The following SORCS1 variants were observed in gnomAD, a reference collection of about 807,000 sequenced individuals.
SORCS1 encodes the protein VPS10 domain-containing receptor SorCS1.
A neutral mutation model predicts 146.1 loss-of-function variants in SORCS1; 60 were observed. The ratio of observed to expected loss-of-function variants is 0.41; its 90% confidence interval spans 0.33 to 0.51. The LOEUF (loss-of-function observed/expected upper bound fraction) is 0.51. Among genes scored for constraint, SORCS1 ranks in the 20% least tolerant of loss-of-function variants. SORCS1 has a pLI of 0.21. For synonymous variants in SORCS1, 637 were observed against 584.0 expected (o/e 1.09, Z -1.31); for missense variants, 1,352 against 1,487.6 (o/e 0.91, Z 1.50).
At chr10:107,120,846 G>T (rs1966363281) in intron 1 of SORCS1, among the ~76,000 whole-genome samples, 1 of 152,124 alleles carries the variant, frequency 6.6e-6, no homozygotes, top group Non-Finnish European at 1.5e-5. Flanking sequence ...TCATAGGGGA[G>T]ACCACAGTGA....
rs529166848 is a variant in SORCS1, at chr10:106,969,482, C to A, written c.559-12902G>T. Among the ~76,000 whole-genome samples the A allele has an allele frequency of 3.3e-5, 5 of 152,230 alleles. No homozygotes were observed. The South Asian group carries it at 1.0e-3, about 32-fold the overall frequency. ...GTACAGAAGGAAGGACTGGATTGGGCCAGTTCTGAGATGGAAGAGTTGAAA... is the reference window on the plus strand; with the variant it reads ...GTACAGAAGGAAGGACTGGATTGGGACAGTTCTGAGATGGAAGAGTTGAAA... On this transcript the variant is annotated intron_variant, in intron 1 of 25. Transcript: ENST00000263054.
chr10:106,987,002 A>C (rs1374965096), intron 1 of SORCS1, among the ~76,000 whole-genome samples: 1 of 152,096 alleles, frequency 6.6e-6, no homozygotes, highest in East Asian at 1.9e-4. Context: ...AACATTTTCC[A>C]CTTTCTCTGT....
chr10:106,880,829 C>T (rs953895325), intron 2 of SORCS1, among the ~76,000 whole-genome samples: 3 of 152,066 alleles, frequency 2.0e-5, no homozygotes, highest in African/African-American at 7.2e-5. Context: ...TGGCTCACGC[C>T]TGTAATCCCA....
At chr10:107,139,164 T>A (rs1376308411) in intron 1 of SORCS1, among the ~76,000 whole-genome samples, 1 of 152,214 alleles carries the variant, frequency 6.6e-6, no homozygotes, top group Non-Finnish European at 1.5e-5. Flanking sequence ...CCCATTTGCT[T>A]AAATCTTCTG....
chr10:106,928,537 C>A lies in SORCS1; in HGVS notation c.626+27976G>T, dbSNP rs536074235. Reference sequence around the variant, plus strand: ...TGGCCTTGGCCAGCCCAGAAAGGGGCTCCCACAGTGCAGCGGTGGGCTGAA... The same window carrying A: ...TGGCCTTGGCCAGCCCAGAAAGGGGATCCCACAGTGCAGCGGTGGGCTGAA... On this transcript the variant is annotated intron_variant, in intron 2 of 25. Transcript: ENST00000263054. 3.3e-5 allele frequency among the ~76,000 whole-genome samples: 5 copies of A among 152,366 alleles called. No individual in the cohort carries two copies. The South Asian group carries it at 1.0e-3, about 32-fold the overall frequency.
At chr10:106,908,596 C>G (rs1206801892) in intron 2 of SORCS1, among the ~76,000 whole-genome samples, 2 of 152,168 alleles carry the variant, frequency 1.3e-5, no homozygotes, top group African/African-American at 4.8e-5. Flanking sequence ...GGGAATGTGT[C>G]CCCTGCAAGG....
chr10:106,931,085 T>C (rs1364512198), intron 2 of SORCS1, among the ~76,000 whole-genome samples: 1 of 152,188 alleles, frequency 6.6e-6, no homozygotes, highest in Non-Finnish European at 1.5e-5. Context: ...TGGAAAAATA[T>C]ACACTGGTTG....
chr10:106,829,347 T>C (rs867825829), intron 3 of SORCS1, among the ~76,000 whole-genome samples: 1 of 152,292 alleles, frequency 6.6e-6, no homozygotes, highest in Middle Eastern at 3.4e-3. Context: ...GTAGCTGCCT[T>C]TTGGAAATGG....
At chr10:107,133,939 G>A (rs1304032519) in intron 1 of SORCS1, among the ~76,000 whole-genome samples, 3 of 152,164 alleles carry the variant, frequency 2.0e-5, no homozygotes, top group South Asian at 2.1e-4. Flanking sequence ...ACTGCTGAAC[G>A]AAGAAAACAT....
intron 19 of SORCS1, among the ~76,000 whole-genome samples, chr10:106,626,759 G>C (rs1330116868): frequency 6.6e-6 from 1 of 152,180 alleles, no homozygotes; most frequent in Non-Finnish European, 1.5e-5. Flanking sequence ...AAACATGTCA[G>C]AATCTGCTGA....
intron 1 of SORCS1, among the ~76,000 whole-genome samples, chr10:106,982,619 T>C (rs1284496077): frequency 1.3e-5 from 2 of 152,204 alleles, no homozygotes; most frequent in Non-Finnish European, 2.9e-5. Flanking sequence ...ATTCAACCGT[T>C]AAGACAAACT....
At chr10:106,962,412 A>AAAAG (rs1955274061) in intron 1 of SORCS1, among the ~76,000 whole-genome samples, 4 of 149,958 alleles carry the variant, frequency 2.7e-5, no homozygotes, top group African/African-American at 9.9e-5. Flanking sequence ...AAAAAAAAAA[A>AAAAG]AAAGAAAGAA....
At chr10:106,677,443 T>A (rs373793014) in intron 12 of SORCS1, 39 bp from the exon 13 acceptor site, 2 of 1,544,984 alleles carry the variant, frequency 1.3e-6, no homozygotes, top group African/African-American at 2.7e-5. Context: ...CACATCCACA[T>A]CCACACATAC....
intron 1 of SORCS1, among the ~76,000 whole-genome samples, chr10:107,109,635 T>C (rs891486061): frequency 4.6e-5 from 7 of 152,188 alleles, no homozygotes; most frequent in African/African-American, 1.7e-4. Flanking sequence ...AAATACCTTT[T>C]CCCCATTCTC....
At chr10:107,177,358 TC>T in the SORCS1 span, among the ~76,000 whole-genome samples, 9 of 152,246 alleles carry the variant, frequency 5.9e-5, no homozygotes, top group Non-Finnish European at 1.3e-4. Flanking sequence ...TTGGCCAGTT[TC>T]CCCCAATGGT....
chr10:106,993,695 A>T (rs1044664040), intron 1 of SORCS1, among the ~76,000 whole-genome samples: 2 of 152,186 alleles, frequency 1.3e-5, no homozygotes, highest in Non-Finnish European at 2.9e-5. Context: ...GGGAAAAAAA[A>T]TATTCTTTTA....
At chr10:106,811,523 C>G (rs1324811809) in intron 3 of SORCS1, among the ~76,000 whole-genome samples, 3 of 152,084 alleles carry the variant, frequency 2.0e-5, no homozygotes, top group African/African-American at 7.2e-5. Context: ...AAATAGGCCC[C>G]CAGATCTGCA....
chr10:106,741,953 T>C (rs1237792622), intron 5 of SORCS1, among the ~76,000 whole-genome samples: 1 of 152,222 alleles, frequency 6.6e-6, no homozygotes, highest in Non-Finnish European at 1.5e-5. Flanking sequence ...CGCTTTTCCA[T>C]ACTTCGTCAG....
chr10:107,033,161 A>G (rs950169359), intron 1 of SORCS1, among the ~76,000 whole-genome samples: 1 of 152,184 alleles, frequency 6.6e-6, no homozygotes, highest in Non-Finnish European at 1.5e-5. Flanking sequence ...ACATATTCTC[A>G]CAGCCAGCAG....
Sources: gnomAD v4.1 joint callset for allele counts (sites outside exome capture counted in the v4.1 genomes callset) on GRCh38, gnomAD v4.1.1 for gene constraint, MANE v1.5 for transcripts, NCBI Gene and HGNC (gene_info 2026-07-23, HGNC 2026-07-21) for gene names.